The following NXPH1 variants were observed in gnomAD, a reference collection of about 807,000 sequenced individuals.
NXPH1 encodes neurexophilin 1, also known as neurexophilin-1.
Under a neutral mutation model 23.7 loss-of-function variants are expected in NXPH1, and 5 were observed. The ratio of observed to expected loss-of-function variants is 0.21; its 90% CI spans 0.11 to 0.44. The LOEUF (loss-of-function observed/expected upper bound fraction) is 0.44. NXPH1 is among the 20% of genes least tolerant of loss of function. The probability of loss-of-function intolerance (pLI) is 0.99; values close to 1 mark genes in which losing one functional copy is unlikely to be tolerated. For synonymous variants in NXPH1, 144 were observed against 122.2 expected (o/e 1.18, Z -1.18); for missense variants, 324 against 321.6 (o/e 1.01, Z -0.06).
At chr7:8,738,487 C>G (rs1394825298) in intron 2 of NXPH1, among the ~76,000 whole-genome samples, 2 of 152,186 alleles carry the variant, frequency 1.3e-5, no homozygotes, top group East Asian at 1.9e-4. Context: ...CTGTTCCTTC[C>G]TCTGGAAGCT....
intron 2 of NXPH1, among the ~76,000 whole-genome samples, chr7:8,529,408 A>G (rs183679693): frequency 6.6e-6 from 1 of 152,192 alleles, no homozygotes. Flanking sequence ...ACACATGGGA[A>G]GGTAAAAGGA....
At chr7:8,605,396 G>A (rs937667392) in intron 2 of NXPH1, among the ~76,000 whole-genome samples, 1 of 152,048 alleles carries the variant, frequency 6.6e-6, no homozygotes, top group African/African-American at 2.4e-5. Context: ...ATACTCAAAG[G>A]GACCAGATGC....
At chr7:8,672,721 A>C (rs1002995082) in intron 2 of NXPH1, among the ~76,000 whole-genome samples, 1 of 152,216 alleles carries the variant, frequency 6.6e-6, no homozygotes, top group Non-Finnish European at 1.5e-5. Context: ...AAGTGGTTTC[A>C]ACTTATACGA....
chr7:8,507,563 C>A (rs1817549117), intron 2 of NXPH1, among the ~76,000 whole-genome samples: 1 of 152,050 alleles, frequency 6.6e-6, no homozygotes, highest in South Asian at 2.1e-4. Context: ...TCTAGTAGTT[C>A]CCCCAGTGGT....
intron 2 of NXPH1, among the ~76,000 whole-genome samples, chr7:8,543,358 T>C (rs188669241): frequency 1.1e-4 from 16 of 151,822 alleles, no homozygotes; most frequent in Admixed American, 1.1e-3. Context: ...GTGTCACTTA[T>C]GTTTCTTCTC....
At chr7:8,587,333 G>T (rs1377739027) in intron 2 of NXPH1, among the ~76,000 whole-genome samples, 1 of 150,736 alleles carries the variant, frequency 6.6e-6, no homozygotes, top group Admixed American at 6.6e-5. Flanking sequence ...GTGCAGTTTT[G>T]CTATGTTGCC....
chr7:8,509,785 C>T (rs999553235), intron 2 of NXPH1, among the ~76,000 whole-genome samples: 2 of 152,074 alleles, frequency 1.3e-5, no homozygotes, highest in African/African-American at 4.8e-5. Flanking sequence ...CATGTTCCAA[C>T]AAAAGCAAAA....
chr7:8,519,464 G>C (rs1207315669), intron 2 of NXPH1, among the ~76,000 whole-genome samples: 2 of 152,098 alleles, frequency 1.3e-5, no homozygotes. Flanking sequence ...TTTGTTTTCA[G>C]CAATGAACAC....
chr7:8,449,164 ATCTG>A (rs1816460034), intron 2 of NXPH1, among the ~76,000 whole-genome samples: 1 of 152,236 alleles, frequency 6.6e-6, no homozygotes, highest in Non-Finnish European at 1.5e-5. Flanking sequence ...CTAGCTGAAT[ATCTG>A]AGTGTGACAC....
intron 2 of NXPH1, among the ~76,000 whole-genome samples, chr7:8,477,112 G>A (rs1367319028): frequency 6.6e-6 from 1 of 152,090 alleles, no homozygotes; most frequent in East Asian, 1.9e-4. Flanking sequence ...AGCAAATGAA[G>A]AATTCCTTTT....
rs564228617 is a variant in NXPH1, at chr7:8,441,175, C to A, written c.54+5408C>A. On this transcript the variant is annotated intron_variant, in intron 2 of 2. Transcript: ENST00000405863. ...GCCGTTCTAATTAAGGAAAGGCAGG[C>A]GAGCCTGCCAGCCGAGAGCGGTTGG... 2.4e-3 allele frequency among the ~76,000 whole-genome samples: 366 copies of A among 152,248 alleles called. 2 individuals carry two copies. Among genetic ancestry groups the A allele is most frequent in the African/African-American group, 8.4e-3 (348 of 41,538 alleles).
At chr7:8,737,684 G>T (rs775496721) in intron 2 of NXPH1, among the ~76,000 whole-genome samples, 1 of 152,170 alleles carries the variant, frequency 6.6e-6, no homozygotes, top group Non-Finnish European at 1.5e-5. Flanking sequence ...GACCTGTCTT[G>T]CTAGATTGGG....
rs869188177 is a variant in NXPH1, at chr7:8,674,201, A to ACC, written c.55-76806_55-76805insCC. On this transcript the variant is annotated intron_variant, in intron 2 of 2. Coordinates refer to ENST00000405863, the MANE Select transcript of NXPH1 (RefSeq NM_152745.3). ...CACACACACACACACACACACACAC[A>ACC]CACCTATGCAATTCAATCCTTGCTG... Among the ~76,000 whole-genome samples, 127 of 89,398 alleles carry ACC rather than the reference A, an allele frequency of 1.4e-3. No homozygotes were observed. The East Asian group carries it at 0.016, about 12-fold the overall frequency. 58.6% of individuals were successfully genotyped at this position (89,398 alleles called of 152,430 possible).
chr7:8,540,725 A>C (rs1818102449), intron 2 of NXPH1, among the ~76,000 whole-genome samples: 1 of 151,818 alleles, frequency 6.6e-6, no homozygotes, highest in African/African-American at 2.4e-5. Context: ...CTACAGAAGG[A>C]ACCAGCTGAA....
At chr7:8,651,169 G>T (rs926951424) in intron 2 of NXPH1, among the ~76,000 whole-genome samples, 1 of 148,080 alleles carries the variant, frequency 6.8e-6, no homozygotes, top group Non-Finnish European at 1.5e-5. Flanking sequence ...TCCCCTTCCT[G>T]TGTCCATGTG....
At chr7:8,438,389 C>T (rs1816232434) in intron 2 of NXPH1, among the ~76,000 whole-genome samples, 1 of 152,220 alleles carries the variant, frequency 6.6e-6, no homozygotes, top group Non-Finnish European at 1.5e-5. Flanking sequence ...TCAAAGAAGG[C>T]AAGAGTGGCA....
intron 2 of NXPH1, among the ~76,000 whole-genome samples, chr7:8,483,346 TA>T (rs113403265): frequency 6.6e-6 from 1 of 152,004 alleles, no homozygotes; most frequent in African/African-American, 2.4e-5. Context: ...TTCTTTTTTT[TA>T]AAAGACAGGG....
chr7:8,713,954 C>A (rs1234891106), intron 2 of NXPH1, among the ~76,000 whole-genome samples: 1 of 152,190 alleles, frequency 6.6e-6, no homozygotes, highest in Non-Finnish European at 1.5e-5. Context: ...AAGGCCCCGG[C>A]AACCACTGTT....
At chr7:8,672,325 T>A (rs1488540718) in intron 2 of NXPH1, among the ~76,000 whole-genome samples, 2 of 151,996 alleles carry the variant, frequency 1.3e-5, no homozygotes, top group Non-Finnish European at 2.9e-5. Context: ...TGGGGACTGT[T>A]GTGGGGTGGG....
Sources: allele counts gnomAD v4.1 joint callset (sites outside exome capture counted in the v4.1 genomes callset), GRCh38; gene constraint gnomAD v4.1.1; transcripts MANE v1.5; gene names NCBI Gene and HGNC (gene_info 2026-07-23, HGNC 2026-07-21).